DNAJB4: variants seen among roughly 807,000 people sequenced by gnomAD.
DNAJB4 encodes DnaJ heat shock protein family (Hsp40) member B4.
In DNAJB4, 10 loss-of-function variants were observed where a neutral mutation model predicts 26.6. The ratio of observed to expected loss-of-function variants is 0.38; its 90% CI spans 0.23 to 0.64. The LOEUF is 0.64. DNAJB4 is among the 30% of genes least tolerant of loss of function. DNAJB4 has a pLI of 0.58. For missense variants in DNAJB4, 328 were observed against 408.2 expected, an observed-to-expected ratio of 0.80 and a Z score of 1.69; for synonymous variants, 136 against 134.8, an observed-to-expected ratio of 1.01 and a Z score of -0.06.
At chr1:77,989,731 C>T (rs1342071923) in intron 1 of DNAJB4, among the ~76,000 whole-genome samples, 3 of 152,162 alleles carry the variant, frequency 2.0e-5, no homozygotes, top group African/African-American at 7.2e-5. Context: ...GCCTTCAGCT[C>T]CAAGTAAGAG....
chr1:78,014,996 T>G (rs371301870), intron 2 of DNAJB4, among the ~76,000 whole-genome samples: 1 of 152,334 alleles, frequency 6.6e-6, no homozygotes, highest in East Asian at 1.9e-4. Context: ...TACTGCCCAA[T>G]GCTTAGTTCA....
intron 1 of DNAJB4, among the ~76,000 whole-genome samples, chr1:78,007,540 C>T (rs1202858626): frequency 6.6e-6 from 1 of 151,992 alleles, no homozygotes; most frequent in Non-Finnish European, 1.5e-5. Flanking sequence ...GAGATCGAGC[C>T]ACTGCACTTC....
chr1:78,002,718 T>A (rs1217732592), upstream of DNAJB4, among the ~76,000 whole-genome samples: 3 of 152,302 alleles, frequency 2.0e-5, no homozygotes, highest in East Asian at 5.8e-4. Flanking sequence ...AATCACGTAA[T>A]ACAACAATCG....
rs1660299647 is a variant in DNAJB4 at position 78,005,265 on chromosome 1, A to G, written c.155A>G (p.Tyr52Cys). 5 of 1,613,964 alleles carry G rather than the reference A, an allele frequency of 3.1e-6. No individual in the cohort carries two copies. The highest frequency in any genetic ancestry group is 1.3e-5 in the African/African-American group (1 of 74,932). The change falls in exon 1 of 3, where the codon TAT (tyrosine) becomes TGT (cysteine). Residue 52 changes from tyrosine (Y) to cysteine (C), a missense_variant. Physicochemically the swap from Tyr to Cys is radical, Grantham distance 194. Coordinates refer to ENST00000370763, the MANE Select transcript of DNAJB4 (RefSeq NM_007034.5). ...AAATTTAAAGAGGTCGCAGAAGCTT[A>G]TGAAGTATTGAGTGATCCTAAAAAG... ...EEKFKEVAEA[Y>C]EVLSDPKKRE...
intron 1 of DNAJB4, among the ~76,000 whole-genome samples, chr1:77,992,220 C>G (rs1330552002): frequency 6.6e-6 from 1 of 151,106 alleles, no homozygotes; most frequent in Non-Finnish European, 1.5e-5. Flanking sequence ...GAGACCATCC[C>G]GGCTAAAACG....
At chr1:78,006,888 G>A (rs1163741971) in intron 1 of DNAJB4, among the ~76,000 whole-genome samples, 1 of 152,188 alleles carries the variant, frequency 6.6e-6, no homozygotes, top group Admixed American at 6.5e-5. Context: ...GTGAATTCCT[G>A]TGAAAAAGCA....
chr1:77,994,547 AT>A (rs556212038), intron 1 of DNAJB4, among the ~76,000 whole-genome samples: 1 of 150,198 alleles, frequency 6.7e-6, no homozygotes, highest in Non-Finnish European at 1.5e-5. Context: ...GGCTACAGAC[AT>A]TTTTTTTCTG....
rs945614816 is a variant in DNAJB4 at position 78,017,897 on chromosome 1, T to C, written c.*1650T>C. ...ATGGATATACCACAATTTGTTTATCTTTTCATTAATTATGGGCATTTGGCT... is the reference window on the plus strand; with the variant it reads ...ATGGATATACCACAATTTGTTTATCCTTTCATTAATTATGGGCATTTGGCT... On this transcript the variant is annotated 3_prime_UTR_variant, in exon 3 of 3. Transcript: ENST00000370763. 1 of 152,020 alleles carries C rather than the reference T, an allele frequency of 6.6e-6. No individual in the cohort carries two copies. Among genetic ancestry groups the C allele is most frequent in the East Asian group, 1.9e-4 (1 of 5,174 alleles). 9.4% of individuals were successfully genotyped at this position (152,020 alleles called of 1,614,324 possible).
rs570616038 is a variant in DNAJB4, at chr1:77,984,361, T to C, written c.-32+4039T>C. ...TTAGCTAGACTAAGGCAGAGTTTCTTAACAAAAGGTCACCAGCATCATCAA... is the reference window on the plus strand; with the variant it reads ...TTAGCTAGACTAAGGCAGAGTTTCTCAACAAAAGGTCACCAGCATCATCAA... On this transcript the variant is annotated intron_variant, in intron 1 of 2. Coordinates refer to the DNAJB4 transcript ENST00000426517. 2.0e-5 allele frequency among the ~76,000 whole-genome samples: 3 copies of C among 152,304 alleles called. No homozygotes were observed. The East Asian group carries it at 5.8e-4, about 29-fold the overall frequency.
intron 2 of DNAJB4, among the ~76,000 whole-genome samples, chr1:78,013,841 A>G (rs529558109): frequency 2.0e-4 from 31 of 152,200 alleles, no homozygotes; most frequent in African/African-American, 7.5e-4. Context: ...TGTTAACTGG[A>G]TTATGTACTA....
At chr1:78,004,938 A>G, upstream of DNAJB4, 1 of 657,910 alleles carries the variant, frequency 1.5e-6, no homozygotes, top group South Asian at 1.9e-5. Flanking sequence ...GCCGTTGGGG[A>G]AGGATTGAAT....
At chr1:77,984,051 G>C (rs1490852348) in intron 1 of DNAJB4, among the ~76,000 whole-genome samples, 1 of 152,204 alleles carries the variant, frequency 6.6e-6, no homozygotes, top group African/African-American at 2.4e-5. Context: ...CCAGTGCCCT[G>C]TGTTCCTACA....
In DNAJB4 at chr1:78,017,384, A is replaced by G. The variant is rs1660667843; in HGVS notation, c.*1137A>G. 1.3e-5 allele frequency: 2 copies of G among 151,892 alleles called. No homozygotes were observed. Among genetic ancestry groups the G allele is most frequent in the East Asian group, 3.9e-4 (2 of 5,162 alleles). The allele number at this position is 151,892 out of a possible 1,614,324, so 9.4% of individuals were successfully genotyped here. A position where few individuals can be genotyped will look rare whatever the true frequency, so the allele number is the denominator to read the frequency against. On this transcript the variant is annotated 3_prime_UTR_variant, in exon 3 of 3. Coordinates refer to ENST00000370763, the MANE Select transcript of DNAJB4 (RefSeq NM_007034.5). The stretch of plus-strand genomic sequence containing the variant: ...TTGAAGCAAAATTTTTGGTTATAAA[A>G]TAGTTTTCAGGATTATATATATATA...
chr1:77,992,764 G>T (rs974137057), intron 1 of DNAJB4: 4 of 152,004 alleles, frequency 2.6e-5, no homozygotes, highest in African/African-American at 9.7e-5. Context: ...AGTCTCTGTT[G>T]CCCAGGCTGG....
At chr1:77,995,757 T>G (rs553090127) in intron 1 of DNAJB4, among the ~76,000 whole-genome samples, 1 of 152,288 alleles carries the variant, frequency 6.6e-6, no homozygotes, top group South Asian at 2.1e-4. Context: ...TGGGCCTAAC[T>G]CAGTGTTTAA....
chr1:77,992,251 A>G (rs1429084811), intron 1 of DNAJB4, among the ~76,000 whole-genome samples: 1 of 151,036 alleles, frequency 6.6e-6, no homozygotes, highest in Non-Finnish European at 1.5e-5. Context: ...GTCTCTACTA[A>G]AAATACAAAA....
intron 1 of DNAJB4, among the ~76,000 whole-genome samples, chr1:77,985,765 G>A (rs898514589): frequency 1.3e-5 from 2 of 151,916 alleles, no homozygotes; most frequent in Non-Finnish European, 2.9e-5. Flanking sequence ...ATAATGCCTG[G>A]CATCTAGTAG....
chr1:77,986,215 T>C (rs1395261762), intron 1 of DNAJB4, among the ~76,000 whole-genome samples: 3 of 152,158 alleles, frequency 2.0e-5, no homozygotes, highest in African/African-American at 7.2e-5. Context: ...GCCCGGGAAC[T>C]TCATCTCAGA....
At chr1:77,998,656 A>G (rs867146761) in intron 1 of DNAJB4, among the ~76,000 whole-genome samples, 114 of 152,124 alleles carry the variant, frequency 7.5e-4, no homozygotes, top group African/African-American at 2.7e-3. Flanking sequence ...CCTGGGCAAC[A>G]TGGCGAAACC....
Sources: gnomAD v4.1 joint callset for allele counts (sites outside exome capture counted in the v4.1 genomes callset) on GRCh38, gnomAD v4.1.1 for gene constraint, MANE v1.5 for transcripts, NCBI Gene and HGNC (gene_info 2026-07-23, HGNC 2026-07-21) for gene names.